Variants in EVI5 observed in about 807,000 individuals in gnomAD.
EVI5 encodes the protein ecotropic viral integration site 5.
A neutral mutation model predicts 112.0 loss-of-function variants in EVI5; 73 were observed. That is an observed-to-expected ratio of 0.65 (90% CI 0.54 to 0.79). EVI5 has a LOEUF of 0.79. Ranked by LOEUF, EVI5 falls within the 30% of genes least tolerant of loss-of-function variation. The pLI, the probability that EVI5 is intolerant of heterozygous loss-of-function variation, is 0.00. For synonymous variants in EVI5, 305 were observed against 319.9 expected (o/e 0.95, Z 0.50); for missense variants, 900 against 968.8 (o/e 0.93, Z 0.94).
At position 92,704,608 on chromosome 1, in the gene EVI5, T is replaced by G; in HGVS notation, c.286A>C (p.Arg96=). 1.3e-6 allele frequency: 2 copies of G among 1,595,868 alleles called. No homozygotes were observed. Among genetic ancestry groups the G allele is most frequent in the Non-Finnish European group, 1.7e-6 (2 of 1,171,184 alleles). Residue 96 remains arginine, a synonymous_variant, in exon 3 of 20, where the codon AGA becomes CGA. Transcript: ENST00000684568. ...LEEDSWILWG[R]IVNEWEDVRK... is the part of the protein sequence containing the mutation. ...ACATCTTCCCATTCATTAACAATTC[T>G]TCCCCAAAGAATCCAAGAATCTTCT...
intron 1 of EVI5, chr1:92,784,181 G>T: frequency 2.4e-6 from 1 of 422,620 alleles, no homozygotes; most frequent in Non-Finnish European, 3.2e-6. Flanking sequence ...CCCAAAGACA[G>T]ACAGACAGAC....
At position 92,563,745 on chromosome 1, in the gene EVI5, G is replaced by A. The variant is rs751310784; in HGVS notation, c.2071-8C>T. ...AAGCTTTCCTTCTTCTTTCTGTTTTGTGACAAAACAACAAAGCAAAAACAA... is the reference window on the plus strand; with the variant it reads ...AAGCTTTCCTTCTTCTTTCTGTTTTATGACAAAACAACAAAGCAAAAACAA... On this transcript the variant is annotated splice_region_variant and splice_polypyrimidine_tract_variant and intron_variant, in intron 18 of 19. Coordinates refer to ENST00000684568, the MANE Select transcript of EVI5 (RefSeq NM_001350197.2). 6.3e-7 allele frequency: 1 copy of A among 1,582,562 alleles called. No individual in the cohort carries two copies. Among genetic ancestry groups the A allele is most frequent in the South Asian group, 1.1e-5 (1 of 88,548 alleles).
intron 2 of EVI5, among the ~76,000 whole-genome samples, chr1:92,716,535 A>G (rs561150247): frequency 2.6e-5 from 4 of 152,378 alleles, no homozygotes; most frequent in African/African-American, 4.8e-5. Flanking sequence ...GAAAAGCTAA[A>G]AATTCTAAAA....
intron 17 of EVI5, 99 bp from the exon 18 acceptor site, chr1:92,605,501 A>G: frequency 1.3e-6 from 1 of 764,300 alleles, no homozygotes; most frequent in Non-Finnish European, 2.3e-6. Flanking sequence ...GTTAAGTATT[A>G]TCTAGCAGGG....
At chr1:92,546,792 G>A (rs893879864) in intron 19 of EVI5, among the ~76,000 whole-genome samples, 1 of 152,126 alleles carries the variant, frequency 6.6e-6, no homozygotes, top group African/African-American at 2.4e-5. Flanking sequence ...TCAACAAGAA[G>A]AGCTAACTAT....
chr1:92,742,675 C>CAA (rs1308447080), intron 1 of EVI5, among the ~76,000 whole-genome samples: 1 of 133,742 alleles, frequency 7.5e-6, no homozygotes, highest in Non-Finnish European at 1.6e-5. Flanking sequence ...CTCTGTCTCA[C>CAA]AAAAAAAAAA....
intron 19 of EVI5, among the ~76,000 whole-genome samples, chr1:92,560,605 A>C (rs1656629515): frequency 1.3e-5 from 2 of 151,946 alleles, no homozygotes; most frequent in East Asian, 1.9e-4. Context: ...GCTGGAGTGC[A>C]GTGGTGATCA....
intron 4 of EVI5, 103 bp downstream of exon 4, chr1:92,703,292 A>C (rs1178895295): frequency 1.4e-6 from 1 of 693,292 alleles, no homozygotes; most frequent in Non-Finnish European, 2.4e-6. Flanking sequence ...CTGCCAAAGC[A>C]ACTGATTATT....
At chr1:92,549,683 G>A (rs1228927753) in intron 19 of EVI5, among the ~76,000 whole-genome samples, 2 of 152,170 alleles carry the variant, frequency 1.3e-5, no homozygotes, top group African/African-American at 2.4e-5. Context: ...CAAAAAGTGG[G>A]CAAAGCATAT....
At chr1:92,536,037 C>T (rs1435997845) in intron 19 of EVI5, among the ~76,000 whole-genome samples, 4 of 152,108 alleles carry the variant, frequency 2.6e-5, no homozygotes, top group Admixed American at 2.6e-4. Flanking sequence ...TCGTTCTTAC[C>T]TGATGTGGAC....
intron 9 of EVI5, among the ~76,000 whole-genome samples, chr1:92,682,504 G>C (rs543694221): frequency 2.0e-5 from 3 of 152,158 alleles, no homozygotes; most frequent in Non-Finnish European, 4.4e-5. Flanking sequence ...GCTCATGCCT[G>C]TAATCCCAGC....
At chr1:92,737,265 G>A (rs766522543) in intron 1 of EVI5, among the ~76,000 whole-genome samples, 1 of 152,126 alleles carries the variant, frequency 6.6e-6, no homozygotes, top group East Asian at 1.9e-4. Context: ...AGGGGTTCAA[G>A]GTAGAATTTC....
intron 2 of EVI5, among the ~76,000 whole-genome samples, chr1:92,722,234 T>A (rs972306094): frequency 6.6e-6 from 1 of 152,198 alleles, no homozygotes; most frequent in Non-Finnish European, 1.5e-5. Context: ...CAATAGTAAC[T>A]GTATTATACT....
intron 1 of EVI5, among the ~76,000 whole-genome samples, chr1:92,747,406 C>T (rs1679431285): frequency 6.6e-6 from 1 of 152,010 alleles, no homozygotes; most frequent in Non-Finnish European, 1.5e-5. Flanking sequence ...GTACCACAAA[C>T]TGGGTGGCTT....
chr1:92,589,855 AGGCACCCCCCCGTATG>A lies in EVI5; in HGVS notation c.2070+15436_2070+15451del, dbSNP rs570743215. ...CTGACCCCTGAGTAGCCTAACTGAG[AGGCACCCCCCCGTATG>A]GGCAGACTGACACCTCACACGGCCG... On this transcript the variant is annotated intron_variant, in intron 18 of 19. Transcript: ENST00000684568. Among the ~76,000 whole-genome samples the A allele has an allele frequency of 7.9e-4, 121 of 152,290 alleles. 1 individual carries two copies. Among genetic ancestry groups the A allele is most frequent in the African/African-American group, 2.7e-3 (114 of 41,572 alleles).
intron 1 of EVI5, among the ~76,000 whole-genome samples, chr1:92,791,709 C>T (rs1015369154): frequency 4.0e-5 from 6 of 150,284 alleles, no homozygotes; most frequent in Non-Finnish European, 8.9e-5. Context: ...CAGGTACAAA[C>T]ATTAGCTAAT....
At chr1:92,634,508 G>A (rs553266800) in intron 14 of EVI5, among the ~76,000 whole-genome samples, 11 of 152,128 alleles carry the variant, frequency 7.2e-5, no homozygotes, top group South Asian at 2.1e-4. Context: ...CGTAGTTCTC[G>A]TGCCGTGGTT....
intron 19 of EVI5, among the ~76,000 whole-genome samples, chr1:92,556,381 A>G (rs1244925365): frequency 1.3e-5 from 2 of 151,626 alleles, no homozygotes; most frequent in African/African-American, 2.4e-5. Flanking sequence ...AAGCATAAGG[A>G]AAAAAAAATC....
chr1:92,697,718 C>T, intron 6 of EVI5, 142 bp downstream of exon 6: 1 of 691,616 alleles, frequency 1.4e-6, no homozygotes, highest in Non-Finnish European at 2.4e-6. Context: ...CATTAACCAA[C>T]CAAAAAACAA....
Sources: gnomAD v4.1 joint callset for allele counts (sites outside exome capture counted in the v4.1 genomes callset) on GRCh38, gnomAD v4.1.1 for gene constraint, MANE v1.5 for transcripts, NCBI Gene and HGNC (gene_info 2026-07-23, HGNC 2026-07-21) for gene names.